Variants in A1CF observed in about 807,000 individuals in gnomAD.
A1CF encodes the protein APOBEC1 complementation factor, also known as APOBEC-1 stimulating protein.
Under a neutral mutation model 68.9 loss-of-function variants are expected in A1CF, and 48 were observed. The ratio of observed to expected loss-of-function variants is 0.70; its 90% CI spans 0.55 to 0.89. A1CF has a LOEUF of 0.89. Ranked by LOEUF, A1CF falls within the 40% of genes least tolerant of loss-of-function variation. The pLI is 0.00. For synonymous variants in A1CF, 272 were observed against 260.4 expected, an observed-to-expected ratio of 1.04 and a Z score of -0.43; for missense variants, 653 against 718.9, an observed-to-expected ratio of 0.91 and a Z score of 1.05.
intron 2 of A1CF, among the ~76,000 whole-genome samples, chr10:50,863,660 T>C (rs1048885621): frequency 1.3e-5 from 2 of 152,046 alleles, no homozygotes; most frequent in Non-Finnish European, 1.5e-5. Context: ...ATAAGATCAA[T>C]AAGTAGAATA....
At chr10:50,837,808 A>T (rs1226444374) in intron 5 of A1CF, among the ~76,000 whole-genome samples, 3 of 152,194 alleles carry the variant, frequency 2.0e-5, no homozygotes, top group Non-Finnish European at 4.4e-5. Flanking sequence ...TGCAGTCGTT[A>T]AAAAGAGTAA....
At chr10:50,854,216 G>C (rs1248128373) in intron 3 of A1CF, among the ~76,000 whole-genome samples, 1 of 151,830 alleles carries the variant, frequency 6.6e-6, no homozygotes, top group East Asian at 1.9e-4. Context: ...GAAAAACTTA[G>C]AGATTATACT....
At chr10:50,860,683 G>C (rs574285836) in intron 2 of A1CF, among the ~76,000 whole-genome samples, 1 of 152,144 alleles carries the variant, frequency 6.6e-6, no homozygotes, top group Admixed American at 6.6e-5. Context: ...ATATGTTCAC[G>C]TTTGTGTGTA....
Position 50,806,896 on chromosome 10 carries a change from G to C in A1CF, c.1610-16C>G, listed in dbSNP as rs1837856980. On this transcript the variant is annotated splice_polypyrimidine_tract_variant and intron_variant, in intron 12 of 12. Coordinates refer to ENST00000373997, the MANE Select transcript of A1CF (RefSeq NM_014576.4). The stretch of plus-strand genomic sequence containing the variant: ...ACAGCATATCCTGGAGGAAGAGGCA[G>C]AGAAAACTTGATGAAAGGAATTCAC... 6.3e-7 allele frequency: 1 copy of C among 1,591,982 alleles called. No homozygotes were observed. Among genetic ancestry groups the C allele is most frequent in the Admixed American group, 1.9e-5 (1 of 53,660 alleles).
chr10:50,862,574 T>C (rs1460691441), intron 2 of A1CF, among the ~76,000 whole-genome samples: 4 of 152,170 alleles, frequency 2.6e-5, no homozygotes, highest in African/African-American at 7.2e-5. Flanking sequence ...AAGAAGCATA[T>C]AGTTAATGCT....
At chr10:50,839,052 C>CTCATTTATTTT (rs1382459150) in intron 5 of A1CF, among the ~76,000 whole-genome samples, 1 of 152,106 alleles carries the variant, frequency 6.6e-6, no homozygotes, top group Non-Finnish European at 1.5e-5. Context: ...TGTATATTAT[C>CTCATTTATTTT]TCATTTATTT....
intron 3 of A1CF, among the ~76,000 whole-genome samples, chr10:50,856,665 T>A (rs571209377): frequency 6.6e-6 from 1 of 152,256 alleles, no homozygotes; most frequent in South Asian, 2.1e-4. Flanking sequence ...CTAAACTGTC[T>A]GTGCCTTGTT....
intron 7 of A1CF, among the ~76,000 whole-genome samples, chr10:50,826,899 A>G (rs1258591693): frequency 6.6e-6 from 1 of 152,208 alleles, no homozygotes; most frequent in Non-Finnish European, 1.5e-5. Context: ...TCTCACATGC[A>G]GAGACACACA....
rs1434059605 is a variant in A1CF at position 50,801,502 on chromosome 10, C to T, written c.*5227G>A. On this transcript the variant is annotated 3_prime_UTR_variant, in exon 13 of 13. Transcript: ENST00000373997. The stretch of plus-strand genomic sequence containing the variant: ...TAATATTTATAGAAGGACAGCAGAC[C>T]TAAGCCAGGACTGTCCTGGAAAACC... 1 of 152,142 alleles carries T rather than the reference C, an allele frequency of 6.6e-6. No individual in the cohort carries two copies. The highest frequency in any genetic ancestry group is 6.6e-5 in the Admixed American group (1 of 15,262). 9.4% of individuals were successfully genotyped at this position (152,142 alleles called of 1,614,324 possible). A position where few individuals can be genotyped will look rare whatever the true frequency, so the allele number is the denominator to read the frequency against.
Position 50,803,457 on chromosome 10 carries a change from G to T in A1CF, c.*3272C>A. 1 of 152,218 alleles carries T rather than the reference G, an allele frequency of 6.6e-6. No homozygotes were observed. Among genetic ancestry groups the T allele is most frequent in the Non-Finnish European group, 1.5e-5 (1 of 68,028 alleles). 9.4% of individuals were successfully genotyped at this position (152,218 alleles called of 1,614,324 possible). ...AGGTAGCTTTTTAGCAGCATTTCGG[G>T]TGCTGTTCCCCAAACATAGTGTTGT... On this transcript the variant is annotated 3_prime_UTR_variant, in exon 13 of 13. Coordinates refer to ENST00000373997, the MANE Select transcript of A1CF (RefSeq NM_014576.4).
chr10:50,859,206 T>C (rs1422385643), intron 3 of A1CF, among the ~76,000 whole-genome samples: 3 of 152,194 alleles, frequency 2.0e-5, no homozygotes, highest in Non-Finnish European at 4.4e-5. Context: ...ACTACATTTT[T>C]TTAAATGCAG....
At chr10:50,871,440 C>A (rs1441289127) in intron 1 of A1CF, among the ~76,000 whole-genome samples, 1 of 151,862 alleles carries the variant, frequency 6.6e-6, no homozygotes, top group Non-Finnish European at 1.5e-5. Flanking sequence ...CAAATTATTA[C>A]TTTAATGCAA....
chr10:50,850,540 C>T, intron 3 of A1CF: 1 of 1,298,638 alleles, frequency 7.7e-7, no homozygotes. Flanking sequence ...TTCAAAATTA[C>T]AAAACAGAAA....
chr10:50,846,018 T>C (rs1353126392), intron 3 of A1CF, among the ~76,000 whole-genome samples: 1 of 152,036 alleles, frequency 6.6e-6, no homozygotes, highest in Non-Finnish European at 1.5e-5. Flanking sequence ...GCAAATTCTC[T>C]ACTGCAATTT....
At chr10:50,841,749 C>A (rs1337143733) in intron 5 of A1CF, 113 bp downstream of exon 5, 1 of 1,296,156 alleles carries the variant, frequency 7.7e-7, no homozygotes, top group Non-Finnish European at 1.1e-6. Context: ...TAATCTATTT[C>A]ATTTCTGGCT....
At chr10:50,851,959 T>C (rs1840265115) in intron 3 of A1CF, among the ~76,000 whole-genome samples, 1 of 152,234 alleles carries the variant, frequency 6.6e-6, no homozygotes, top group African/African-American at 2.4e-5. Flanking sequence ...CATCTCATAA[T>C]GCTAAGCTTT....
chr10:50,880,597 G>A (rs574120581), intron 1 of A1CF, among the ~76,000 whole-genome samples: 2 of 152,280 alleles, frequency 1.3e-5, no homozygotes, highest in South Asian at 4.1e-4. Flanking sequence ...CATGGAACCT[G>A]ATTTTGATTT....
intron 1 of A1CF, among the ~76,000 whole-genome samples, chr10:50,872,179 A>T (rs1051661475): frequency 6.6e-6 from 1 of 152,204 alleles, no homozygotes; most frequent in African/African-American, 2.4e-5. Flanking sequence ...AAATTAAAAC[A>T]AAAAACCAAG....
In A1CF at chr10:50,803,773, T is replaced by C. The variant is rs1450633664; in HGVS notation, c.*2956A>G. On this transcript the variant is annotated 3_prime_UTR_variant, in exon 13 of 13. Transcript: ENST00000373997. ...TGTTCCTAAATTATTGTTTTGTTAT[T>C]ATCACCTGGTTGGGTGACAAATTTT... is the stretch of plus-strand genomic sequence containing the variant. 1 of 152,222 alleles carries C rather than the reference T, an allele frequency of 6.6e-6. No homozygotes were observed. Among genetic ancestry groups the C allele is most frequent in the Non-Finnish European group, 1.5e-5 (1 of 68,042 alleles). 9.4% of individuals were successfully genotyped at this position (152,222 alleles called of 1,614,324 possible). A position where few individuals can be genotyped will look rare whatever the true frequency, so the allele number is the denominator to read the frequency against.
Sources: gnomAD v4.1 joint callset for allele counts (sites outside exome capture counted in the v4.1 genomes callset) on GRCh38, gnomAD v4.1.1 for gene constraint, MANE v1.5 for transcripts, NCBI Gene and HGNC (gene_info 2026-07-23, HGNC 2026-07-21) for gene names.